KCNMA1: variants seen among roughly 807,000 people sequenced by gnomAD.
KCNMA1 encodes Calcium-activated potassium channel subunit alpha-1.
Under a neutral mutation model 140.0 loss-of-function variants are expected in KCNMA1, and 29 were observed. The observed-to-expected ratio is 0.21, with a 90% CI of 0.15 to 0.28. The LOEUF (loss-of-function observed/expected upper bound fraction) is 0.28, where lower values mean the gene tolerates loss of function less well. Among genes scored for constraint, KCNMA1 ranks in the 10% least tolerant of loss-of-function variants. KCNMA1 has a pLI of 1.00. For synonymous variants in KCNMA1, 612 were observed against 611.9 expected, an observed-to-expected ratio of 1.00 and a Z score of 0.00; for missense variants, 880 against 1,602.2, an observed-to-expected ratio of 0.55 and a Z score of 7.70.
chr10:77,572,286 C>T (rs2071695190), intron 1 of KCNMA1, among the ~76,000 whole-genome samples: 1 of 151,832 alleles, frequency 6.6e-6, no homozygotes, highest in Non-Finnish European at 1.5e-5. Flanking sequence ...AGACCACACA[C>T]AACAACTTAT....
At chr10:77,544,373 C>T (rs1444788716) in intron 1 of KCNMA1, among the ~76,000 whole-genome samples, 3 of 152,116 alleles carry the variant, frequency 2.0e-5, no homozygotes, top group African/African-American at 7.2e-5. Context: ...TTGAAGAGCA[C>T]GGCATCTAGC....
chr10:77,512,510 A>C (rs61451767), intron 1 of KCNMA1, among the ~76,000 whole-genome samples: 7,072 of 152,274 alleles, frequency 0.046, 566 homozygotes, highest in African/African-American at 0.16. Flanking sequence ...GAGAAAACAC[A>C]GTATATACAG....
At position 77,623,642 on chromosome 10, in the gene KCNMA1, G is replaced by A. The variant is rs1401758716; in HGVS notation, c.378+13623C>T. On this transcript the variant is annotated intron_variant, in intron 1 of 27. Transcript: ENST00000286628. ...TGCTTGAACCCAGGAGACAAAGGTT[G>A]AGGTGAGCCGAGATCGTGACACTGC... Among the ~76,000 whole-genome samples the A allele has an allele frequency of 2.0e-5, 3 of 151,678 alleles. No individual in the cohort carries two copies. In the East Asian group the frequency reaches 5.8e-4, roughly 29 times the overall value.
chr10:77,507,937 C>T (rs552876061), intron 1 of KCNMA1, among the ~76,000 whole-genome samples: 2 of 152,276 alleles, frequency 1.3e-5, no homozygotes, highest in South Asian at 2.1e-4. Flanking sequence ...TGCAGTGCAA[C>T]CTGAAACACT....
intron 1 of KCNMA1, among the ~76,000 whole-genome samples, chr10:77,580,080 T>C (rs1237802309): frequency 1.3e-5 from 2 of 152,022 alleles, no homozygotes; most frequent in African/African-American, 4.8e-5. Context: ...AAGATTATAG[T>C]ATATATATAA....
chr10:77,033,176 G>A (rs1306333587), intron 15 of KCNMA1, among the ~76,000 whole-genome samples: 1 of 152,050 alleles, frequency 6.6e-6, no homozygotes, highest in Non-Finnish European at 1.5e-5. Context: ...AAGGTCTTCT[G>A]GATCGAGGGG....
intron 12 of KCNMA1, among the ~76,000 whole-genome samples, chr10:77,081,194 G>GC (rs2096556979): frequency 6.6e-6 from 1 of 152,100 alleles, no homozygotes; most frequent in Non-Finnish European, 1.5e-5. Context: ...AATGAACTGC[G>GC]CGACCTTTAG....
intron 1 of KCNMA1, among the ~76,000 whole-genome samples, chr10:77,416,758 C>G (rs1466094301): frequency 6.6e-6 from 1 of 152,178 alleles, no homozygotes; most frequent in East Asian, 1.9e-4. Context: ...TTTGCCCACT[C>G]CACATCCTCA....
At chr10:77,352,621 G>GGTGT (rs10555644) in intron 2 of KCNMA1, among the ~76,000 whole-genome samples, 341 of 145,212 alleles carry the variant, frequency 2.3e-3, no homozygotes, top group South Asian at 7.1e-3. Flanking sequence ...TGCAGTACAG[G>GGTGT]GTGTGTGTGT....
intron 5 of KCNMA1, among the ~76,000 whole-genome samples, chr10:77,176,272 A>C (rs2098750826): frequency 6.6e-6 from 1 of 152,186 alleles, no homozygotes. Flanking sequence ...TTTCTCTGTA[A>C]ACTCCAGAAA....
At chr10:77,328,772 C>T (rs527368081) in intron 2 of KCNMA1, among the ~76,000 whole-genome samples, 2 of 152,066 alleles carry the variant, frequency 1.3e-5, no homozygotes, top group South Asian at 2.1e-4. Context: ...AAAGACTCTT[C>T]GACATCAAGT....
intron 14 of KCNMA1, among the ~76,000 whole-genome samples, chr10:77,058,308 T>C (rs1399605903): frequency 2.0e-5 from 3 of 152,186 alleles, no homozygotes; most frequent in Admixed American, 6.5e-5. Context: ...TCCACAGTTA[T>C]AATTGGAGAC....
In KCNMA1 at chr10:77,524,933, C is replaced by A. The variant is rs1363034261; in HGVS notation, c.378+112332G>T. ...CATGGATCACCTGCACGGATATGATCCCCGGCCTCCCTCAGCACCAGCAGG... is the reference window on the plus strand; with the variant it reads ...CATGGATCACCTGCACGGATATGATACCCGGCCTCCCTCAGCACCAGCAGG... On this transcript the variant is annotated intron_variant, in intron 1 of 27. Transcript: ENST00000286628. 6.6e-5 allele frequency among the ~76,000 whole-genome samples: 10 copies of A among 152,306 alleles called. No individual in the cohort carries two copies. In the East Asian group the frequency reaches 1.9e-3, roughly 29 times the overall value.
chr10:77,555,603 G>A (rs2064113483), intron 1 of KCNMA1, among the ~76,000 whole-genome samples: 2 of 152,174 alleles, frequency 1.3e-5, no homozygotes. Context: ...GCTTCTCACA[G>A]CTTTAAACAG....
intron 1 of KCNMA1, among the ~76,000 whole-genome samples, chr10:77,449,988 C>T (rs1041862297): frequency 1.3e-5 from 2 of 151,944 alleles, no homozygotes; most frequent in African/African-American, 4.8e-5. Flanking sequence ...CTCACTCTGT[C>T]ACCCAGGCTA....
At chr10:77,581,402 G>A (rs906048638) in intron 1 of KCNMA1, among the ~76,000 whole-genome samples, 11 of 151,680 alleles carry the variant, frequency 7.3e-5, no homozygotes, top group African/African-American at 2.4e-4. Flanking sequence ...TCTGCCTCCC[G>A]GGTTCACGGC....
chr10:77,637,092 C>G, intron 1 of KCNMA1, 173 bp downstream of exon 1: 1 of 1,321,834 alleles, frequency 7.6e-7, no homozygotes, highest in Non-Finnish European at 1.0e-6. Context: ...GCGCGCCGCC[C>G]GCTGCCCCGA....
chr10:76,891,613 C>A lies in KCNMA1; in HGVS notation c.3254G>T (p.Gly1085Val). Reference protein sequence around the residue: ...LIAEENALRGGYSTPQTLANR... With the variant: ...LIAEENALRGVYSTPQTLANR... The stretch of plus-strand genomic sequence containing the variant: ...GGCCAGTGTCTGCGGGGTGCTGTAG[C>A]CACCTCTAAGGGCGTTTTCCTCAGC... Residue 1085 changes from glycine (G) to valine (V), a missense_variant, in exon 26 of 28, where the codon GGC becomes GTC. Coordinates refer to ENST00000286628, the MANE Select transcript of KCNMA1 (RefSeq NM_001161352.2). The A allele has an allele frequency of 1.2e-6, 2 of 1,614,044 alleles. No homozygotes were observed. The highest frequency in any genetic ancestry group is 1.7e-6 in the Non-Finnish European group (2 of 1,180,020).
At chr10:77,608,799 C>G (rs2085554343) in intron 1 of KCNMA1, among the ~76,000 whole-genome samples, 1 of 152,072 alleles carries the variant, frequency 6.6e-6, no homozygotes, top group Non-Finnish European at 1.5e-5. Flanking sequence ...GACATTTTTC[C>G]AAGGAAGGCA....
Sources: allele counts gnomAD v4.1 joint callset (sites outside exome capture counted in the v4.1 genomes callset), GRCh38; gene constraint gnomAD v4.1.1; transcripts MANE v1.5; gene names NCBI Gene and HGNC (gene_info 2026-07-23, HGNC 2026-07-21).